The following PPP6R2 variants were observed in gnomAD, a reference collection of about 807,000 sequenced individuals.
The protein encoded by PPP6R2 is serine/threonine-protein phosphatase 6 regulatory subunit 2.
A neutral mutation model predicts 100.2 loss-of-function variants in PPP6R2; 62 were observed. That is an observed-to-expected ratio of 0.62 (90% confidence interval 0.50 to 0.76). The LOEUF (loss-of-function observed/expected upper bound fraction) is 0.76. PPP6R2 is among the 30% of genes least tolerant of loss of function. The pLI is 0.00. For synonymous variants in PPP6R2, 525 were observed against 514.7 expected (o/e 1.02, Z -0.27); for missense variants, 1,142 against 1,276.3 (o/e 0.89, Z 1.60).
At chr22:50,426,057 A>G (rs1393531884) in intron 10 of PPP6R2, among the ~76,000 whole-genome samples, 4 of 152,082 alleles carry the variant, frequency 2.6e-5, no homozygotes, top group Admixed American at 2.0e-4. Context: ...GGCTCAAGTG[A>G]TCCTCCCACC....
At chr22:50,358,146 G>A (rs886682299) in intron 1 of PPP6R2, among the ~76,000 whole-genome samples, 7 of 151,878 alleles carry the variant, frequency 4.6e-5, no homozygotes, top group African/African-American at 7.3e-5. Flanking sequence ...GTAGAGATGG[G>A]GGTCTCTCTG....
chr22:50,412,914 G>A (rs2059963413), intron 4 of PPP6R2, among the ~76,000 whole-genome samples: 2 of 150,886 alleles, frequency 1.3e-5, no homozygotes, highest in Admixed American at 1.3e-4. Flanking sequence ...CAAAGTGTTG[G>A]GATTACAGGT....
chr22:50,401,969 C>T (rs2058120761), intron 3 of PPP6R2, among the ~76,000 whole-genome samples: 1 of 152,114 alleles, frequency 6.6e-6, no homozygotes, highest in Non-Finnish European at 1.5e-5. Flanking sequence ...TTCTTATTCT[C>T]ATATATTTTA....
chr22:50,355,873 A>C (rs940652524), intron 1 of PPP6R2, among the ~76,000 whole-genome samples: 5 of 151,686 alleles, frequency 3.3e-5, no homozygotes, highest in African/African-American at 1.2e-4. Flanking sequence ...AGCTTTTAAA[A>C]ATTTTTCTCT....
intron 1 of PPP6R2, among the ~76,000 whole-genome samples, chr22:50,349,623 C>T (rs1040743728): frequency 2.6e-5 from 4 of 151,878 alleles, no homozygotes; most frequent in East Asian, 1.9e-4. Flanking sequence ...GTCAGGAATT[C>T]GAGACCAGCC....
intron 3 of PPP6R2, among the ~76,000 whole-genome samples, chr22:50,394,927 A>T (rs2148904409): frequency 6.6e-6 from 1 of 151,606 alleles, no homozygotes; most frequent in East Asian, 1.9e-4. Context: ...AAAAAAAAAA[A>T]AAAAAAGAGT....
chr22:50,413,425 T>TGG (rs1386909622), intron 4 of PPP6R2, among the ~76,000 whole-genome samples: 2 of 152,112 alleles, frequency 1.3e-5, no homozygotes, highest in Non-Finnish European at 2.9e-5. Context: ...GCTCAGAAGG[T>TGG]GGAGGCTGCA....
intron 14 of PPP6R2, 147 bp from the exon 15 acceptor site, chr22:50,436,841 C>T (rs544944980): frequency 2.7e-5 from 19 of 704,764 alleles, no homozygotes; most frequent in African/African-American, 2.3e-4. Context: ...TTACACAGCA[C>T]GGCCTCCTGG....
At chr22:50,370,428 C>T (rs551212915) in intron 1 of PPP6R2, among the ~76,000 whole-genome samples, 11 of 151,694 alleles carry the variant, frequency 7.3e-5, no homozygotes, top group African/African-American at 1.5e-4. Flanking sequence ...GATGGGATTA[C>T]AGGCGCCTGC....
At chr22:50,353,441 A>G (rs1315911374) in intron 1 of PPP6R2, among the ~76,000 whole-genome samples, 3 of 152,154 alleles carry the variant, frequency 2.0e-5, no homozygotes, top group African/African-American at 4.8e-5. Context: ...GCTATCCTAT[A>G]TGGGCACGGT....
intron 2 of PPP6R2, among the ~76,000 whole-genome samples, chr22:50,373,137 G>A (rs1162904325): frequency 1.3e-5 from 2 of 152,260 alleles, no homozygotes; most frequent in East Asian, 1.9e-4. Flanking sequence ...ATGAAAAGGG[G>A]AGGGAAGGAC....
rs549134301 is a variant in PPP6R2 at position 50,415,333 on chromosome 22, G to A, written c.552+644G>A. Among the ~76,000 whole-genome samples, 26 of 152,340 alleles carry A rather than the reference G, an allele frequency of 1.7e-4. No individual in the cohort carries two copies. The South Asian group carries it at 5.0e-3, about 29-fold the overall frequency. ...CAGCTCCTGGAATCAGGACTCATCC[G>A]ATGACCACTCTCACTCTTAGGTTAG... On this transcript the variant is annotated intron_variant, in intron 5 of 23. Transcript: ENST00000612753.
At chr22:50,372,589 G>T (rs993727349) in intron 2 of PPP6R2, among the ~76,000 whole-genome samples, 1 of 152,012 alleles carries the variant, frequency 6.6e-6, no homozygotes, top group African/African-American at 2.4e-5. Flanking sequence ...ATGTGCTCAT[G>T]GTCTGTTGTC....
At chr22:50,414,214 G>A (rs2060166496) in intron 4 of PPP6R2, among the ~76,000 whole-genome samples, 1 of 151,256 alleles carries the variant, frequency 6.6e-6, no homozygotes, top group South Asian at 2.1e-4. Context: ...ATTCGTTTCT[G>A]TTGGAAAAAC....
rs146893610 is a variant in PPP6R2 at position 50,418,963 on chromosome 22, C to G, written c.715C>G (p.Leu239Val). 1 of 1,613,416 alleles carries G rather than the reference C, an allele frequency of 6.2e-7. No homozygotes were observed. The highest frequency in any genetic ancestry group is 1.3e-5 in the African/African-American group (1 of 74,936). ...AGAGGCTCTGGAGCCAGACCCGCTC[C>G]TCACAGCGCTGGAGTCGTGAGTGCT... ...LQEALEPDPL[L>V]TALESQDCVE... is the part of the protein sequence containing the mutation. The change falls in exon 7 of 24, where the codon CTC becomes GTC. Residue 239 changes from leucine to valine, a missense_variant. Transcript: ENST00000612753.
intron 9 of PPP6R2, among the ~76,000 whole-genome samples, chr22:50,422,707 C>T (rs975999402): frequency 1.3e-5 from 2 of 152,160 alleles, no homozygotes; most frequent in African/African-American, 2.4e-5. Context: ...AGGGGAGGCC[C>T]TTTGCCCTGC....
At position 50,438,302 on chromosome 22, in the gene PPP6R2, C is replaced by T. The variant is rs200129646; in HGVS notation, c.1964+4C>T. On this transcript the variant is annotated splice_donor_region_variant and intron_variant, in intron 18 of 23. Coordinates refer to ENST00000612753, the MANE Select transcript of PPP6R2 (RefSeq NM_001242898.2). The stretch of plus-strand genomic sequence containing the variant: ...CCCGGGTGATGGCCAGACCCAGGTG[C>T]GGGGCCTGCCCATCCCCACAAAGCC... The T allele has an allele frequency of 7.8e-5, 126 of 1,609,106 alleles. No individual in the cohort carries two copies. The highest frequency in any genetic ancestry group is 8.2e-5 in the Non-Finnish European group (96 of 1,177,826).
chr22:50,415,028 G>A (rs1196269136), intron 5 of PPP6R2, among the ~76,000 whole-genome samples: 2 of 152,256 alleles, frequency 1.3e-5, no homozygotes, highest in Non-Finnish European at 2.9e-5. Context: ...AGGTCAGTGA[G>A]GTGCTAGCCC....
rs1392867112 is a variant in PPP6R2 at position 50,444,539 on chromosome 22, G to T, written c.*292G>T. On this transcript the variant is annotated 3_prime_UTR_variant, in exon 24 of 24. Coordinates refer to ENST00000612753, the MANE Select transcript of PPP6R2 (RefSeq NM_001242898.2). ...CTGCAGGAGCCGGGGTGGGGGTGGG[G>T]GTGGGGGGGGCAGGACCCTGAGATG... is the stretch of plus-strand genomic sequence containing the variant. 4 of 353,186 alleles carry T rather than the reference G, an allele frequency of 1.1e-5. No individual in the cohort carries two copies. The highest frequency in any genetic ancestry group is 2.0e-5 in the Non-Finnish European group (4 of 198,542). 21.9% of individuals were successfully genotyped at this position (353,186 alleles called of 1,614,324 possible).
Sources: gnomAD v4.1 joint callset for allele counts (sites outside exome capture counted in the v4.1 genomes callset) on GRCh38, gnomAD v4.1.1 for gene constraint, MANE v1.5 for transcripts, NCBI Gene and HGNC (gene_info 2026-07-23, HGNC 2026-07-21) for gene names.